PPP2R2B: variants seen among roughly 807,000 people sequenced by gnomAD.
The protein encoded by PPP2R2B is protein phosphatase 2 regulatory subunit Bbeta, also known as serine/threonine-protein phosphatase 2A 55 kDa regulatory subunit B beta isoform.
PPP2R2B carries 5 observed loss-of-function variants against 46.0 expected under a neutral mutation model. That is an observed-to-expected ratio of 0.11 (90% CI 0.06 to 0.23). The LOEUF (loss-of-function observed/expected upper bound fraction) is 0.23, where lower values mean the gene tolerates loss of function less well. Ranked by LOEUF, PPP2R2B falls within the 10% of genes least tolerant of loss-of-function variation. The pLI, the probability that PPP2R2B is intolerant of heterozygous loss-of-function variation, is 1.00. For missense variants in PPP2R2B, 367 were observed against 575.0 expected (o/e 0.64, Z 3.70); for synonymous variants, 215 against 206.7 (o/e 1.04, Z -0.34).
chr5:146,717,169 G>T (rs374012991), intron 2 of PPP2R2B, among the ~76,000 whole-genome samples: 24 of 152,156 alleles, frequency 1.6e-4, no homozygotes, highest in African/African-American at 5.3e-4. Context: ...CTTATAGCCT[G>T]GGACACCTCT....
chr5:146,786,775 C>A lies in PPP2R2B; in HGVS notation c.71-85633G>T, dbSNP rs932501316. On this transcript the variant is annotated intron_variant, in intron 2 of 9. Coordinates refer to ENST00000394411, the MANE Select transcript of PPP2R2B (RefSeq NM_181675.4). ...CACATTTGGGTATGATGTAATCTAG[C>A]AAGTTCCTTTTTATTACAGATCAAT... Among the ~76,000 whole-genome samples the A allele has an allele frequency of 1.2e-3, 188 of 152,274 alleles. 1 individual carries two copies. The highest frequency in any genetic ancestry group is 4.3e-3 in the African/African-American group (179 of 41,552).
chr5:146,925,238 C>T (rs1402459281), intron 1 of PPP2R2B, among the ~76,000 whole-genome samples: 1 of 152,030 alleles, frequency 6.6e-6, no homozygotes, highest in Non-Finnish European at 1.5e-5. Context: ...ATTTACAGTG[C>T]TCTTCATTTT....
chr5:146,809,026 T>A (rs947449751), intron 2 of PPP2R2B, among the ~76,000 whole-genome samples: 1 of 151,820 alleles, frequency 6.6e-6, no homozygotes, highest in Non-Finnish European at 1.5e-5. Context: ...GTGATGAATG[T>A]CCTTGGGTCC....
At chr5:146,880,629 C>A (rs1465925175), upstream of PPP2R2B, among the ~76,000 whole-genome samples, 1 of 152,154 alleles carries the variant, frequency 6.6e-6, no homozygotes. Context: ...TCCCCTGTAT[C>A]TTTCTGAATC....
At chr5:146,895,185 A>C (rs765275809) in intron 1 of PPP2R2B, among the ~76,000 whole-genome samples, 2 of 152,192 alleles carry the variant, frequency 1.3e-5, no homozygotes, top group South Asian at 2.1e-4. Context: ...AAGCCTTTGC[A>C]TCTCCAGAGT....
chr5:147,034,196 C>A (rs1372862780), intron 1 of PPP2R2B, among the ~76,000 whole-genome samples: 2 of 152,112 alleles, frequency 1.3e-5, no homozygotes. Context: ...CTAGAAGATC[C>A]TCTCCCCTGG....
chr5:146,644,261 A>AAAAAG (rs1554118466), intron 6 of PPP2R2B, among the ~76,000 whole-genome samples: 7 of 76,090 alleles, frequency 9.2e-5, no homozygotes, highest in African/African-American at 1.4e-4. Context: ...AAAAAAAAAA[A>AAAAAG]AAGAAGAAGA....
At chr5:146,887,342 CAA>C (rs565642004) in intron 1 of PPP2R2B, among the ~76,000 whole-genome samples, 74 of 152,030 alleles carry the variant, frequency 4.9e-4, no homozygotes, top group Non-Finnish European at 9.6e-4. Flanking sequence ...ATTCCATTTG[CAA>C]AAAGAGTTTT....
chr5:146,827,999 AAGAGAGAGAGAG>A (rs35087951), intron 2 of PPP2R2B, among the ~76,000 whole-genome samples: 1 of 148,718 alleles, frequency 6.7e-6, no homozygotes. Context: ...GGCCTAGTTG[AAGAGAGAGAGAG>A]AGAGAGAGAG....
intron 2 of PPP2R2B, among the ~76,000 whole-genome samples, chr5:146,791,086 T>A (rs1196872173): frequency 1.3e-5 from 2 of 152,158 alleles, no homozygotes; most frequent in Non-Finnish European, 2.9e-5. Flanking sequence ...CTATGCCCAG[T>A]CACCTATCTT....
At chr5:147,052,143 A>G (rs548466174) in intron 1 of PPP2R2B, among the ~76,000 whole-genome samples, 4 of 152,120 alleles carry the variant, frequency 2.6e-5, no homozygotes, top group East Asian at 1.9e-4. Context: ...TCTTATTTCA[A>G]GTTAAAGAAC....
At chr5:146,675,726 A>G (rs1051679465) in intron 5 of PPP2R2B, among the ~76,000 whole-genome samples, 1 of 152,094 alleles carries the variant, frequency 6.6e-6, no homozygotes. Flanking sequence ...CATGGGGCTC[A>G]GTTTTCTTTG....
intron 2 of PPP2R2B, among the ~76,000 whole-genome samples, chr5:146,727,631 C>T (rs926044796): frequency 6.6e-6 from 1 of 151,620 alleles, no homozygotes; most frequent in African/African-American, 2.4e-5. Flanking sequence ...TGCAATAGAT[C>T]CATGGAACAC....
chr5:146,627,544 G>A (rs1398743912), intron 7 of PPP2R2B, among the ~76,000 whole-genome samples: 1 of 152,150 alleles, frequency 6.6e-6, no homozygotes, highest in Non-Finnish European at 1.5e-5. Context: ...AGCCAGATGG[G>A]GATTGTATAA....
intron 1 of PPP2R2B, among the ~76,000 whole-genome samples, chr5:146,914,606 T>C (rs1175279464): frequency 6.6e-6 from 1 of 152,186 alleles, no homozygotes. Context: ...ATTCATATGG[T>C]GTAAAGGAGC....
chr5:146,979,270 A>G (rs1753055981), intron 1 of PPP2R2B, among the ~76,000 whole-genome samples: 1 of 152,068 alleles, frequency 6.6e-6, no homozygotes, highest in Non-Finnish European at 1.5e-5. Flanking sequence ...TGGCCCTTCT[A>G]TCTAATATTG....
At chr5:147,078,128 T>A (rs1271298673) in intron 2 of PPP2R2B, among the ~76,000 whole-genome samples, 2 of 152,206 alleles carry the variant, frequency 1.3e-5, no homozygotes, top group Non-Finnish European at 2.9e-5. Context: ...TCATAAGTAA[T>A]GTAGGAATAA....
upstream of PPP2R2B, chr5:147,056,262 C>G (rs1296941455): frequency 3.7e-6 from 1 of 267,200 alleles, no homozygotes; most frequent in Non-Finnish European, 5.8e-6. Context: ...TGCCATGGAT[C>G]TCAGGAATAT....
intron 1 of PPP2R2B, among the ~76,000 whole-genome samples, chr5:146,949,322 G>T (rs549711261): frequency 6.6e-6 from 1 of 152,094 alleles, no homozygotes; most frequent in Non-Finnish European, 1.5e-5. Context: ...CTAATAATTT[G>T]ATTTTAAAAA....
Sources: allele counts gnomAD v4.1 joint callset (sites outside exome capture counted in the v4.1 genomes callset), GRCh38; gene constraint gnomAD v4.1.1; transcripts MANE v1.5; gene names NCBI Gene and HGNC (gene_info 2026-07-23, HGNC 2026-07-21).